ATXN7: variants seen among roughly 807,000 people sequenced by gnomAD.
ATXN7 encodes the protein ataxin-7.
In ATXN7, 12 loss-of-function variants were observed where a neutral mutation model predicts 70.5. The ratio of observed to expected loss-of-function variants is 0.17; its 90% CI spans 0.11 to 0.28. ATXN7 has a LOEUF of 0.28. ATXN7 is among the 10% of genes least tolerant of loss of function. ATXN7 has a pLI of 1.00. For missense variants in ATXN7, 1,256 were observed against 1,131.7 expected, an observed-to-expected ratio of 1.11 and a Z score of -1.58; for synonymous variants, 498 against 448.7, an observed-to-expected ratio of 1.11 and a Z score of -1.39.
At chr3:63,873,096 C>T (rs1202230194) in intron 1 of ATXN7, among the ~76,000 whole-genome samples, 1 of 152,118 alleles carries the variant, frequency 6.6e-6, no homozygotes, top group African/African-American at 2.4e-5. Context: ...ATTTTGTATT[C>T]TACTCTATAA....
At chr3:63,923,942 TG>T (rs1559633704) in intron 4 of ATXN7, among the ~76,000 whole-genome samples, 1 of 152,008 alleles carries the variant, frequency 6.6e-6, no homozygotes, top group African/African-American at 2.4e-5. Flanking sequence ...TAATGAAAGT[TG>T]GGGGGATAGT....
intron 5 of ATXN7, among the ~76,000 whole-genome samples, chr3:63,955,858 C>G (rs2075030770): frequency 6.6e-6 from 1 of 152,186 alleles, no homozygotes; most frequent in Non-Finnish European, 1.5e-5. Flanking sequence ...GCAGGCAGTT[C>G]CGTTAAAACC....
chr3:63,917,016 T>C (rs1477035060), intron 4 of ATXN7, among the ~76,000 whole-genome samples: 1 of 152,020 alleles, frequency 6.6e-6, no homozygotes, highest in Non-Finnish European at 1.5e-5. Context: ...GCTTCCTGGG[T>C]TCAAGCGATT....
chr3:63,916,978 G>A (rs1704295976), intron 4 of ATXN7, among the ~76,000 whole-genome samples: 1 of 152,032 alleles, frequency 6.6e-6, no homozygotes, highest in Non-Finnish European at 1.5e-5. Flanking sequence ...CAATGGTACA[G>A]GCACGATCTG....
At position 63,912,809 on chromosome 3, in the gene ATXN7, T is replaced by G. The variant is rs201561286; in HGVS notation, c.211T>G (p.Ser71Ala). 3.7e-4 allele frequency: 575 copies of G among 1,564,862 alleles called. 3 individuals are homozygous for G. Among genetic ancestry groups the G allele is most frequent in the Middle Eastern group, 6.9e-4 (4 of 5,788 alleles). The change falls in exon 3 of 13, where the codon TCG becomes GCG. Residue 71 changes from serine to alanine, a missense_variant. Ser to Ala is a moderately conservative substitution (Grantham distance 99). Coordinates refer to ENST00000674280, the MANE Select transcript of ATXN7 (RefSeq NM_001377405.1). ...CGGCGGGCCCGGCGCCGCCTCCACC[T>G]CGGCCGCCGCAATGGCGACGGTCGG... ...EDGGPGAAST[S>A]AAAMATVGER...
At chr3:63,912,371 G>C (rs552273572) in intron 2 of ATXN7, among the ~76,000 whole-genome samples, 6 of 151,612 alleles carry the variant, frequency 4.0e-5, no homozygotes, top group Non-Finnish European at 7.4e-5. Context: ...GGGCGGCCGC[G>C]GGAGTCGAAA....
intron 9 of ATXN7, 38 bp from the exon 10 acceptor site, chr3:63,990,138 G>A (rs1338171240): frequency 1.9e-6 from 3 of 1,600,046 alleles, no homozygotes; most frequent in Admixed American, 1.7e-5. Flanking sequence ...ATTCCCAGGT[G>A]TGTGATCTGA....
chr3:63,974,666 A>G (rs1285508217), intron 5 of ATXN7, among the ~76,000 whole-genome samples: 2 of 152,264 alleles, frequency 1.3e-5, no homozygotes, highest in Non-Finnish European at 2.9e-5. Flanking sequence ...GAGATAATCC[A>G]TGTAAATCCC....
intron 8 of ATXN7, among the ~76,000 whole-genome samples, chr3:63,984,187 A>G (rs2075534331): frequency 1.3e-5 from 2 of 151,574 alleles, no homozygotes; most frequent in South Asian, 4.2e-4. Flanking sequence ...GTTGGTCAAG[A>G]GTACCTTTAA....
chr3:63,876,769 C>G (rs1433622605), intron 1 of ATXN7, among the ~76,000 whole-genome samples: 1 of 152,122 alleles, frequency 6.6e-6, no homozygotes, highest in Non-Finnish European at 1.5e-5. Context: ...AAGTATTAAT[C>G]AGCTGTAGAC....
At chr3:63,990,519 A>G in intron 10 of ATXN7, 145 bp downstream of exon 10, 1 of 1,181,564 alleles carries the variant, frequency 8.5e-7, no homozygotes, top group Non-Finnish European at 1.2e-6. Context: ...GGTGCCCCAG[A>G]GGCAGCACAC....
At chr3:63,920,663 C>G (rs1575897132) in intron 4 of ATXN7, among the ~76,000 whole-genome samples, 1 of 144,650 alleles carries the variant, frequency 6.9e-6, no homozygotes, top group Non-Finnish European at 1.5e-5. Context: ...TTTAGTTGTT[C>G]TTTTATAACA....
chr3:63,949,331 A>G (rs1156807487), intron 4 of ATXN7, among the ~76,000 whole-genome samples: 1 of 150,436 alleles, frequency 6.6e-6, no homozygotes, highest in Non-Finnish European at 1.5e-5. Flanking sequence ...CCAAATATGG[A>G]TATCTGAAAG....
chr3:63,949,592 T>C (rs1221431013), intron 4 of ATXN7, among the ~76,000 whole-genome samples: 1 of 152,020 alleles, frequency 6.6e-6, no homozygotes, highest in Non-Finnish European at 1.5e-5. Context: ...AGAGACAGGG[T>C]TTACTATGTT....
At chr3:63,934,139 ATTCC>A (rs1485123575) in intron 4 of ATXN7, among the ~76,000 whole-genome samples, 4 of 152,156 alleles carry the variant, frequency 2.6e-5, no homozygotes, top group South Asian at 2.1e-4. Context: ...CCAAAGACTA[ATTCC>A]TCCAGGAGCT....
At chr3:63,972,903 G>C (rs2075335721) in intron 5 of ATXN7, among the ~76,000 whole-genome samples, 2 of 152,154 alleles carry the variant, frequency 1.3e-5, no homozygotes, top group South Asian at 4.1e-4. Context: ...TTATTTGTGA[G>C]TACTTTTCTG....
At chr3:63,867,352 C>A (rs781367549) in intron 1 of ATXN7, among the ~76,000 whole-genome samples, 2 of 151,254 alleles carry the variant, frequency 1.3e-5, no homozygotes, top group South Asian at 2.1e-4. Flanking sequence ...TTTCCTTTTT[C>A]TTTTGAAACA....
At chr3:63,997,745 A>C in intron 12 of ATXN7, 1 of 1,542,084 alleles carries the variant, frequency 6.5e-7, no homozygotes, top group Non-Finnish European at 8.8e-7. Flanking sequence ...CTTAACTCAA[A>C]TGCCAGCCGG....
At chr3:63,944,376 G>A (rs1335066840) in intron 4 of ATXN7, among the ~76,000 whole-genome samples, 1 of 152,082 alleles carries the variant, frequency 6.6e-6, no homozygotes, top group Non-Finnish European at 1.5e-5. Context: ...GTGCTTTGGG[G>A]CCATTATTAA....
Sources: allele counts gnomAD v4.1 joint callset (sites outside exome capture counted in the v4.1 genomes callset), GRCh38; gene constraint gnomAD v4.1.1; transcripts MANE v1.5; gene names NCBI Gene and HGNC (gene_info 2026-07-23, HGNC 2026-07-21).